Variants in RIT2 observed in about 807,000 individuals in gnomAD.
The protein encoded by RIT2 is Ras like without CAAX 2, also known as GTP-binding protein Rit2.
In RIT2, 24 loss-of-function variants were observed where a neutral mutation model predicts 23.7. The ratio of observed to expected loss-of-function variants is 1.01; its 90% CI spans 0.73 to 1.43. The LOEUF is 1.43. RIT2 is among the 40% of genes most tolerant of loss of function. The probability of loss-of-function intolerance (pLI) is 0.00; values close to 1 mark genes in which losing one functional copy is unlikely to be tolerated. For missense variants in RIT2, 236 were observed against 266.9 expected (o/e 0.88, Z 0.81); for synonymous variants, 107 against 91.1 (o/e 1.17, Z -0.99).
chr18:42,939,973 C>A (rs986537011), intron 3 of RIT2, among the ~76,000 whole-genome samples: 1 of 151,742 alleles, frequency 6.6e-6, no homozygotes, highest in Non-Finnish European at 1.5e-5. Flanking sequence ...TATTGCTTGT[C>A]CACCTGAATG....
chr18:43,062,624 G>A (rs1912674617), intron 1 of RIT2, among the ~76,000 whole-genome samples: 1 of 152,100 alleles, frequency 6.6e-6, no homozygotes, highest in African/African-American at 2.4e-5. Context: ...AAATTGGTGA[G>A]CTCCACAAGA....
Position 42,923,572 on chromosome 18 carries a change from C to T in RIT2, c.426G>A (p.Gln142=). The change falls in exon 4 of 5, where the codon CAG becomes CAA. Residue 142 remains glutamine, a splice_region_variant and synonymous_variant. Coordinates refer to ENST00000326695, the MANE Select transcript of RIT2 (RefSeq NM_002930.4). ...GNKIDLEQFR[Q]VSTEEGLSLA... is the part of the protein sequence containing the mutation. ...GCTACCAGATAAAATCGGCACTCAC[C>T]TGGCGGAACTGTTCCAGATCAATTT... 1 of 1,612,188 alleles carries T rather than the reference C, an allele frequency of 6.2e-7. No individual in the cohort carries two copies. Among genetic ancestry groups the T allele is most frequent in the South Asian group, 1.1e-5 (1 of 90,954 alleles).
chr18:42,748,241 G>GA (rs1284786077), intron 4 of RIT2, among the ~76,000 whole-genome samples: 1 of 151,428 alleles, frequency 6.6e-6, no homozygotes, highest in Non-Finnish European at 1.5e-5. Context: ...AAATCCGCAA[G>GA]AAAAAAACAA....
intron 3 of RIT2, among the ~76,000 whole-genome samples, chr18:42,949,504 C>A (rs1240079732): frequency 2.0e-5 from 3 of 152,206 alleles, no homozygotes; most frequent in African/African-American, 7.2e-5. Flanking sequence ...GTTAGACAGG[C>A]AATTGCTGGG....
At chr18:43,113,109 T>G (rs1186795623) in intron 1 of RIT2, among the ~76,000 whole-genome samples, 1 of 152,170 alleles carries the variant, frequency 6.6e-6, no homozygotes, top group Non-Finnish European at 1.5e-5. Context: ...TATTTTTAGC[T>G]CATTTGAAAG....
chr18:42,998,211 G>C (rs7236139), intron 2 of RIT2, among the ~76,000 whole-genome samples: 2 of 152,084 alleles, frequency 1.3e-5, no homozygotes, highest in Non-Finnish European at 2.9e-5. Context: ...GTGCTGCCCA[G>C]TAGCTTTAAG....
chr18:42,801,642 A>G (rs1905541869), intron 4 of RIT2, among the ~76,000 whole-genome samples: 1 of 152,222 alleles, frequency 6.6e-6, no homozygotes, highest in Non-Finnish European at 1.5e-5. Context: ...GCACTAACTT[A>G]TGTACCTCAG....
chr18:42,753,868 T>TAAAA (rs935248619), intron 4 of RIT2, among the ~76,000 whole-genome samples: 7 of 152,144 alleles, frequency 4.6e-5, no homozygotes, highest in African/African-American at 1.7e-4. Flanking sequence ...AGAGTTACTT[T>TAAAA]AAAAAAAGAA....
intron 1 of RIT2, among the ~76,000 whole-genome samples, chr18:43,089,591 A>G (rs1042782159): frequency 6.1e-5 from 9 of 146,536 alleles, no homozygotes; most frequent in East Asian, 2.0e-4. Context: ...AAAAAAAAAT[A>G]AAAAAAAAAA....
chr18:42,922,793 A>C (rs1327136835), intron 4 of RIT2, among the ~76,000 whole-genome samples: 1 of 152,094 alleles, frequency 6.6e-6, no homozygotes, highest in Non-Finnish European at 1.5e-5. Context: ...TGTTCGGAGA[A>C]GTTTTGAGAC....
At chr18:42,831,932 C>T (rs1906470134) in intron 4 of RIT2, among the ~76,000 whole-genome samples, 2 of 152,280 alleles carry the variant, frequency 1.3e-5, no homozygotes, top group South Asian at 4.1e-4. Context: ...CCTGTAGCTT[C>T]TAGAGCAGTT....
chr18:43,013,721 C>T (rs575523138), intron 2 of RIT2, among the ~76,000 whole-genome samples: 5 of 151,748 alleles, frequency 3.3e-5, no homozygotes, highest in African/African-American at 4.8e-5. Flanking sequence ...TGCATTAACT[C>T]GCTGCAATTT....
intron 4 of RIT2, among the ~76,000 whole-genome samples, chr18:42,906,149 G>T (rs746092060): frequency 6.6e-6 from 1 of 151,212 alleles, no homozygotes; most frequent in Admixed American, 6.6e-5. Context: ...TTTTAAATAG[G>T]CAGGGGAGGA....
intron 4 of RIT2, among the ~76,000 whole-genome samples, chr18:42,805,150 C>A (rs1337545044): frequency 6.6e-6 from 1 of 152,108 alleles, no homozygotes; most frequent in Non-Finnish European, 1.5e-5. Flanking sequence ...GAATTTTTAT[C>A]ACATTTATTA....
chr18:43,064,619 G>A (rs2144327183), intron 1 of RIT2, among the ~76,000 whole-genome samples: 1 of 152,070 alleles, frequency 6.6e-6, no homozygotes, highest in East Asian at 1.9e-4. Flanking sequence ...GGCTTCATGT[G>A]ATGTGTTTTA....
intron 4 of RIT2, among the ~76,000 whole-genome samples, chr18:42,761,470 C>A (rs1325795356): frequency 6.6e-6 from 1 of 152,152 alleles, no homozygotes; most frequent in African/African-American, 2.4e-5. Context: ...TTCCTTTTAT[C>A]TCTATGTCTC....
intron 2 of RIT2, among the ~76,000 whole-genome samples, chr18:42,991,566 C>A (rs1054354038): frequency 4.6e-5 from 7 of 152,040 alleles, no homozygotes; most frequent in African/African-American, 1.4e-4. Context: ...ACGAGATGGC[C>A]GGTTCCTGCC....
intron 4 of RIT2, among the ~76,000 whole-genome samples, chr18:42,808,974 G>C (rs971004105): frequency 3.3e-5 from 5 of 152,106 alleles, no homozygotes; most frequent in Non-Finnish European, 7.4e-5. Context: ...AATAAAAAGA[G>C]AGCTTTGTTT....
At chr18:42,905,152 G>A (rs1185949201) in intron 4 of RIT2, among the ~76,000 whole-genome samples, 1 of 151,990 alleles carries the variant, frequency 6.6e-6, no homozygotes, top group Non-Finnish European at 1.5e-5. Flanking sequence ...ATTCATAATG[G>A]GATTGCTGGT....
Sources: gnomAD v4.1 joint callset for allele counts (sites outside exome capture counted in the v4.1 genomes callset) on GRCh38, gnomAD v4.1.1 for gene constraint, MANE v1.5 for transcripts, NCBI Gene and HGNC (gene_info 2026-07-23, HGNC 2026-07-21) for gene names.